Variants in MCPH1 observed in about 807,000 individuals in gnomAD.
The protein encoded by MCPH1 is microcephalin.
Under a neutral mutation model 84.5 loss-of-function variants are expected in MCPH1, and 104 were observed. The observed-to-expected ratio is 1.23, with a 90% CI of 1.05 to 1.45. The LOEUF is 1.45. MCPH1 is among the 40% of genes most tolerant of loss of function. MCPH1 has a pLI of 0.00. For synonymous variants in MCPH1, 514 were observed against 366.8 expected, an observed-to-expected ratio of 1.40 and a Z score of -4.58; for missense variants, 1,498 against 1,005.7, an observed-to-expected ratio of 1.49 and a Z score of -6.62.
rs920676488 is a variant in MCPH1 at position 6,645,952 on chromosome 8, C to G, written c.*2903C>G. 2.0e-5 allele frequency: 3 copies of G among 152,056 alleles called. No individual in the cohort carries two copies. In the South Asian group the frequency reaches 6.2e-4, roughly 32 times the overall value. The allele number at this position is 152,056 out of a possible 1,614,324, so 9.4% of individuals were successfully genotyped here. ...GTTAAGATGATAGTCCTCAAATTGA[C>G]GTATAGATTCAATGCAATCCATTAA... On this transcript the variant is annotated 3_prime_UTR_variant, in exon 14 of 14. Coordinates refer to ENST00000344683, the MANE Select transcript of MCPH1 (RefSeq NM_024596.5).
intron 3 of MCPH1, among the ~76,000 whole-genome samples, chr8:6,425,805 C>T (rs563537777): frequency 1.5e-4 from 23 of 152,304 alleles, no homozygotes; most frequent in Admixed American, 4.6e-4. Context: ...TTTTCCAGCA[C>T]GGTTGGTGTG....
chr8:6,519,193 C>T (rs1002331861), intron 12 of MCPH1, among the ~76,000 whole-genome samples: 13 of 152,214 alleles, frequency 8.5e-5, no homozygotes, highest in African/African-American at 3.1e-4. Flanking sequence ...CAGCGGTTCT[C>T]ATGGTGTGGA....
chr8:6,502,766 C>A, intron 12 of MCPH1: 1 of 303,832 alleles, frequency 3.3e-6, no homozygotes, highest in African/African-American at 2.1e-5. Flanking sequence ...TTCTGTTTTC[C>A]AGTTATTTAC....
chr8:6,541,318 T>C (rs1294557554), intron 12 of MCPH1, among the ~76,000 whole-genome samples: 1 of 152,078 alleles, frequency 6.6e-6, no homozygotes, highest in Non-Finnish European at 1.5e-5. Flanking sequence ...CCCCAGGCTG[T>C]GGGCAGTGGC....
At chr8:6,544,119 A>G (rs1822107335) in intron 12 of MCPH1, among the ~76,000 whole-genome samples, 1 of 152,236 alleles carries the variant, frequency 6.6e-6, no homozygotes, top group Non-Finnish European at 1.5e-5. Flanking sequence ...TGTTTTCCAA[A>G]CATAACTTTT....
intron 13 of MCPH1, among the ~76,000 whole-genome samples, chr8:6,623,330 G>A (rs1230932411): frequency 1.3e-5 from 2 of 151,956 alleles, no homozygotes; most frequent in Non-Finnish European, 2.9e-5. Flanking sequence ...CGACTTTAGA[G>A]GTACATCCCC....
At chr8:6,423,440 C>G (rs1800564162) in intron 3 of MCPH1, among the ~76,000 whole-genome samples, 1 of 152,164 alleles carries the variant, frequency 6.6e-6, no homozygotes, top group Admixed American at 6.5e-5. Context: ...GCTGGGATTA[C>G]TGGCATGAGC....
intron 9 of MCPH1, among the ~76,000 whole-genome samples, chr8:6,470,633 C>G (rs1414467199): frequency 6.6e-6 from 1 of 152,208 alleles, no homozygotes; most frequent in Non-Finnish European, 1.5e-5. Flanking sequence ...ATGCTTTATG[C>G]TTTTGCTGCC....
At chr8:6,621,770 A>C in intron 13 of MCPH1, 79 bp downstream of exon 13, 2 of 1,591,100 alleles carry the variant, frequency 1.3e-6, no homozygotes, top group South Asian at 1.1e-5. Flanking sequence ...CGTCAGGCTC[A>C]CACCCCCTTC....
chr8:6,592,197 A>G (rs1343873458), intron 12 of MCPH1, among the ~76,000 whole-genome samples: 3 of 152,010 alleles, frequency 2.0e-5, no homozygotes, highest in Non-Finnish European at 4.4e-5. Flanking sequence ...CTGTCACCCA[A>G]ACTGGAGTGC....
In MCPH1 at chr8:6,514,738, A is replaced by G. The variant is rs146771202; in HGVS notation, c.2214+14809A>G. The G allele has an allele frequency of 2.5e-6, 4 of 1,613,938 alleles. No homozygotes were observed. In the African/African-American group the frequency reaches 5.3e-5, roughly 22 times the overall value. On this transcript the variant is annotated intron_variant, in intron 12 of 13. Transcript: ENST00000344683. Reference sequence around the variant, plus strand: ...GCTGCCATCCTCACGTCGCTGAATAATTGTCCACCCGCCTCCTCCAGCTTC... The same window carrying G: ...GCTGCCATCCTCACGTCGCTGAATAGTTGTCCACCCGCCTCCTCCAGCTTC...
At chr8:6,513,695 A>G in intron 12 of MCPH1, 1 of 1,611,310 alleles carries the variant, frequency 6.2e-7, no homozygotes, top group Non-Finnish European at 8.5e-7. Context: ...TGAGTTCTTC[A>G]CTTGAGAGAT....
intron 13 of MCPH1, among the ~76,000 whole-genome samples, chr8:6,627,514 C>T (rs780214793): frequency 1.9e-4 from 29 of 152,172 alleles, no homozygotes; most frequent in African/African-American, 5.3e-4. Flanking sequence ...TTAAAACAGA[C>T]GAAATCTACC....
rs1798106411 is a variant in MCPH1 at position 6,644,282 on chromosome 8, A to C, written c.*1233A>C. 1 of 152,124 alleles carries C rather than the reference A, an allele frequency of 6.6e-6. No homozygotes were observed. The highest frequency in any genetic ancestry group is 1.5e-5 in the Non-Finnish European group (1 of 68,042). 9.4% of individuals were successfully genotyped at this position (152,124 alleles called of 1,614,324 possible). A position where few individuals can be genotyped will look rare whatever the true frequency, so the allele number is the denominator to read the frequency against. ...CTCCTTCTCAAATAAATAAATAAAT[A>C]AATAAGAAACACTGATGTGTCTGTC... is the stretch of plus-strand genomic sequence containing the variant. On this transcript the variant is annotated 3_prime_UTR_variant, in exon 14 of 14. Transcript: ENST00000344683.
chr8:6,445,387 G>A lies in MCPH1; in HGVS notation c.1665G>A (p.Ala555=), dbSNP rs772338945. The A allele has an allele frequency of 2.5e-5, 40 of 1,614,096 alleles. 1 individual carries two copies. In the East Asian group the frequency reaches 3.6e-4, roughly 14 times the overall value. Residue 555 remains alanine (A), a synonymous_variant, in exon 8 of 14, where the codon GCG becomes GCA. Coordinates refer to ENST00000344683, the MANE Select transcript of MCPH1 (RefSeq NM_024596.5). ...LEGSLEEMKE[A]VGLKSTQNKG... ...GAAGCCTTGAAGAAATGAAAGAAGC[G>A]GTTGGTCTGAAAAGCACACAGAACA... is the stretch of plus-strand genomic sequence containing the variant.
At chr8:6,416,275 TATGTC>T (rs58125557) in intron 3 of MCPH1, among the ~76,000 whole-genome samples, 4 of 151,492 alleles carry the variant, frequency 2.6e-5, no homozygotes, top group African/African-American at 9.7e-5. Flanking sequence ...GGCCGCATGT[TATGTC>T]ATGTCATGTC....
chr8:6,538,270 T>C (rs1820869284), intron 12 of MCPH1, among the ~76,000 whole-genome samples: 1 of 152,102 alleles, frequency 6.6e-6, no homozygotes, highest in Non-Finnish European at 1.5e-5. Context: ...CAACCATCTG[T>C]CTTACACACA....
intron 3 of MCPH1, among the ~76,000 whole-genome samples, chr8:6,421,773 C>G (rs1028188251): frequency 2.0e-5 from 3 of 152,260 alleles, no homozygotes; most frequent in African/African-American, 7.2e-5. Context: ...TTTGCTGACC[C>G]AGGTCCAGTG....
intron 11 of MCPH1, among the ~76,000 whole-genome samples, chr8:6,499,226 A>T (rs1811689093): frequency 6.6e-6 from 1 of 152,142 alleles, no homozygotes; most frequent in Non-Finnish European, 1.5e-5. Flanking sequence ...ATATTACTGA[A>T]TTAAAAAGGA....
Sources: allele counts gnomAD v4.1 joint callset (sites outside exome capture counted in the v4.1 genomes callset), GRCh38; gene constraint gnomAD v4.1.1; transcripts MANE v1.5; gene names NCBI Gene and HGNC (gene_info 2026-07-23, HGNC 2026-07-21).